Variants in MAST3 observed in about 807,000 individuals in gnomAD.
MAST3 encodes the protein microtubule associated serine/threonine kinase 3.
In MAST3, 43 loss-of-function variants were observed where a neutral mutation model predicts 127.0. The observed-to-expected ratio is 0.34, with a 90% CI of 0.27 to 0.44. The LOEUF is 0.44. Ranked by LOEUF, MAST3 falls within the 20% of genes least tolerant of loss-of-function variation. The pLI is 1.00. For synonymous variants in MAST3, 785 were observed against 809.2 expected, an observed-to-expected ratio of 0.97 and a Z score of 0.51; for missense variants, 1,390 against 1,919.1, an observed-to-expected ratio of 0.72 and a Z score of 5.15.
At chr19:18,132,107 C>A in intron 15 of MAST3, 60 bp downstream of exon 15, 1 of 1,595,856 alleles carries the variant, frequency 6.3e-7, no homozygotes, top group Non-Finnish European at 8.5e-7. Flanking sequence ...GGATCAGGGG[C>A]GGGGCCAAAG....
rs1289052908 is a variant in MAST3 at position 18,146,928 on chromosome 19, C to T, written c.3210C>T (p.Ser1070=). The T allele has an allele frequency of 6.4e-7, 1 of 1,558,270 alleles. No individual in the cohort carries two copies. The highest frequency in any genetic ancestry group is 2.4e-5 in the East Asian group (1 of 41,554). ...SLRTTALENT[S]IKVGPARKNV... The stretch of plus-strand genomic sequence containing the variant: ...GGACCACAGCCCTGGAGAACACCTC[C>T]ATCAAGGTGGGCCCCGCCCGGAAGA... The change falls in exon 26 of 28, where the codon TCC becomes TCT. Residue 1070 remains serine (S), a synonymous_variant. Coordinates refer to ENST00000687212, the MANE Select transcript of MAST3 (RefSeq NM_001393504.1).
chr19:18,146,947 C>T lies in MAST3; in HGVS notation c.3229C>T (p.Arg1077Trp), dbSNP rs1399731365. 5 of 1,560,310 alleles carry T rather than the reference C, an allele frequency of 3.2e-6. No homozygotes were observed. The highest frequency in any genetic ancestry group is 1.2e-5 in the South Asian group (1 of 84,532). ...CACCTCCATCAAGGTGGGCCCCGCC[C>T]GGAAGAATGTGGCCAAGGGCCGCAT... ...ENTSIKVGPA[R>W]KNVAKGRMAR... Residue 1077 changes from arginine (R) to tryptophan (W), a missense_variant, in exon 26 of 28, where the codon CGG becomes TGG. Physicochemically the swap from Arg to Trp is moderately radical, Grantham distance 101. Coordinates refer to ENST00000687212, the MANE Select transcript of MAST3 (RefSeq NM_001393504.1).
At chr19:18,103,176 G>T (rs1300464627) in intron 1 of MAST3, among the ~76,000 whole-genome samples, 1 of 152,078 alleles carries the variant, frequency 6.6e-6, no homozygotes, top group Non-Finnish European at 1.5e-5. Context: ...AGTTCTGTGT[G>T]GTCCAGCTTC....
At chr19:18,100,959 G>T (rs1011278788) in intron 1 of MAST3, among the ~76,000 whole-genome samples, 2 of 152,198 alleles carry the variant, frequency 1.3e-5, no homozygotes, top group Non-Finnish European at 2.9e-5. Context: ...TTGGCTGTGT[G>T]CAGGAAAGGT....
At chr19:18,113,208 G>A (rs2038844801) in intron 3 of MAST3, among the ~76,000 whole-genome samples, 1 of 152,102 alleles carries the variant, frequency 6.6e-6, no homozygotes, top group Admixed American at 6.5e-5. Flanking sequence ...GGGGGAATGG[G>A]TCCCTGCCTG....
chr19:18,114,563 C>T (rs921033863), intron 3 of MAST3, among the ~76,000 whole-genome samples: 2 of 152,186 alleles, frequency 1.3e-5, no homozygotes, highest in Non-Finnish European at 2.9e-5. Context: ...GTTTGACAGC[C>T]TCTCCGAGAC....
At position 18,149,788 on chromosome 19, in the gene MAST3, G is replaced by T. The variant is rs980219851; in HGVS notation, c.*62G>T. 3.8e-6 allele frequency: 6 copies of T among 1,593,716 alleles called. No individual in the cohort carries two copies. The highest frequency in any genetic ancestry group is 5.1e-6 in the Non-Finnish European group (6 of 1,175,962). ...CGTTTTCTTGTGCAATGTTTTTTCC[G>T]TAAAGTCATGCCTGGATGGGGACTG... is the stretch of plus-strand genomic sequence containing the variant. On this transcript the variant is annotated 3_prime_UTR_variant, in exon 28 of 28. Coordinates refer to ENST00000687212, the MANE Select transcript of MAST3 (RefSeq NM_001393504.1). The surrounding 1 kb of genome is among the most constrained non-coding windows in gnomAD (Gnocchi z 5.9).
intron 15 of MAST3, among the ~76,000 whole-genome samples, chr19:18,132,267 A>C (rs984049508): frequency 6.6e-6 from 1 of 152,178 alleles, no homozygotes; most frequent in Non-Finnish European, 1.5e-5. Flanking sequence ...CAGACACTTA[A>C]TAGGCGTCTG....
chr19:18,123,584 G>A lies in MAST3; in HGVS notation c.562G>A (p.Gly188Ser), dbSNP rs1341810042. Reference protein sequence around the residue: ...LRPRSRSLSPGRATGTFDNEI... With the variant: ...LRPRSRSLSPSRATGTFDNEI... ...AGCCAGCTGTCTTCCTTTCAGCCCG[G>A]GCCGTGCAACGGGGACCTTCGACAA... Residue 188 changes from glycine to serine, a missense_variant, in exon 8 of 28, where the codon GGC (glycine) becomes AGC (serine). Transcript: ENST00000687212. 1 of 1,578,650 alleles carries A rather than the reference G, an allele frequency of 6.3e-7. No homozygotes were observed. The highest frequency in any genetic ancestry group is 8.6e-7 in the Non-Finnish European group (1 of 1,162,516).
intron 5 of MAST3, chr19:18,122,211 T>A: frequency 1.2e-6 from 1 of 815,576 alleles, no homozygotes; most frequent in Non-Finnish European, 1.5e-6. Flanking sequence ...AATCATTCAT[T>A]CATTCACTTA....
intron 3 of MAST3, among the ~76,000 whole-genome samples, chr19:18,119,036 C>T (rs1349080456): frequency 1.3e-5 from 2 of 152,128 alleles, no homozygotes; most frequent in African/African-American, 4.8e-5. Flanking sequence ...TGCTTTCTGC[C>T]ACATTCTCTC....
chr19:18,099,042 A>G (rs1253952117), intron 1 of MAST3: 2 of 296,690 alleles, frequency 6.7e-6, no homozygotes, highest in African/African-American at 4.4e-5. Context: ...AGGTTGACAG[A>G]AGCTGGAACC....
rs1469834310 is a variant in MAST3, at chr19:18,128,848, G to A, written c.1138-18G>A. 3 of 1,607,008 alleles carry A rather than the reference G, an allele frequency of 1.9e-6. No homozygotes were observed. The highest frequency in any genetic ancestry group is 2.6e-6 in the Non-Finnish European group (3 of 1,175,516). ...GCTCTGCAGCGGGGCAGGACCCTAA[G>A]CCCTTCCCATCCCCTAGAGCCGCGC... On this transcript the variant is annotated intron_variant, in intron 12 of 27. Coordinates refer to ENST00000687212, the MANE Select transcript of MAST3 (RefSeq NM_001393504.1).
intron 13 of MAST3, among the ~76,000 whole-genome samples, chr19:18,129,978 A>C (rs924074183): frequency 6.6e-6 from 1 of 151,094 alleles, no homozygotes; most frequent in Non-Finnish European, 1.5e-5. Flanking sequence ...AGCCAGGTGC[A>C]GTGGCTCTCG....
In MAST3 at chr19:18,112,804, G is replaced by C. The variant is rs529258155; in HGVS notation, c.161+2063G>C. Among the ~76,000 whole-genome samples, 4 of 152,196 alleles carry C rather than the reference G, an allele frequency of 2.6e-5. No homozygotes were observed. The highest frequency in any genetic ancestry group is 2.1e-4 in the South Asian group (1 of 4,822). On this transcript the variant is annotated intron_variant, in intron 3 of 27. Coordinates refer to ENST00000687212, the MANE Select transcript of MAST3 (RefSeq NM_001393504.1). This position sits in a 1 kb window ranked among gnomAD's most constrained non-coding sequence, Gnocchi z 4.1. ...TTTTTAAGCCTCTGTGTCTGCCTTG[G>C]GGGGAGAAAGTTCTGCTGGGGCCAG...
chr19:18,134,095 T>A (rs985669444), intron 15 of MAST3, among the ~76,000 whole-genome samples: 1 of 151,990 alleles, frequency 6.6e-6, no homozygotes, highest in Non-Finnish European at 1.5e-5. Flanking sequence ...TTGCTCCAGC[T>A]CTGTAAAGAA....
At chr19:18,116,295 T>A (rs186949446) in intron 3 of MAST3, among the ~76,000 whole-genome samples, 164 of 151,016 alleles carry the variant, frequency 1.1e-3, no homozygotes, top group African/African-American at 3.6e-3. Flanking sequence ...ATTTTTTATT[T>A]TTTTTTATTT....
At chr19:18,132,102 A>G in intron 15 of MAST3, 55 bp downstream of exon 15, 2 of 1,600,542 alleles carry the variant, frequency 1.2e-6, no homozygotes, top group Non-Finnish European at 8.5e-7. Context: ...AGAGAGGATC[A>G]GGGGCGGGGC....
At chr19:18,100,857 CAA>C (rs1406729660) in intron 1 of MAST3, among the ~76,000 whole-genome samples, 2 of 152,192 alleles carry the variant, frequency 1.3e-5, no homozygotes, top group Non-Finnish European at 2.9e-5. Context: ...GGCCAAAGGC[CAA>C]AGAGTCCATT....
Sources: gnomAD v4.1 joint callset for allele counts (sites outside exome capture counted in the v4.1 genomes callset) on GRCh38, gnomAD v4.1.1 for gene constraint, Gnocchi (gnomAD v3.1) non-coding constraint, MANE v1.5 for transcripts, NCBI Gene and HGNC (gene_info 2026-07-23, HGNC 2026-07-21) for gene names.